Variants in INPP4B observed in about 807,000 individuals in gnomAD.
The protein encoded by INPP4B is inositol polyphosphate-4-phosphatase type II B.
INPP4B carries 55 observed loss-of-function variants against 122.5 expected under a neutral mutation model. The ratio of observed to expected loss-of-function variants is 0.45; its 90% CI spans 0.36 to 0.56. The LOEUF (loss-of-function observed/expected upper bound fraction) is 0.56. Ranked by LOEUF, INPP4B falls within the 20% of genes least tolerant of loss-of-function variation. INPP4B has a pLI of 0.00. For missense variants in INPP4B, 1,000 were observed against 1,097.7 expected (o/e 0.91, Z 1.26); for synonymous variants, 403 against 388.7 (o/e 1.04, Z -0.43).
chr4:142,259,954 A>G (rs1226009360), intron 11 of INPP4B, among the ~76,000 whole-genome samples: 1 of 152,152 alleles, frequency 6.6e-6, no homozygotes, highest in Non-Finnish European at 1.5e-5. Context: ...GGCATTGACC[A>G]AATGTCATTA....
chr4:142,632,615 A>G (rs924297713), intron 2 of INPP4B, among the ~76,000 whole-genome samples: 6 of 152,138 alleles, frequency 3.9e-5, no homozygotes, highest in Non-Finnish European at 8.8e-5. Context: ...TCAATGCTAT[A>G]AAATACAAAT....
intron 21 of INPP4B, among the ~76,000 whole-genome samples, chr4:142,121,473 C>G (rs1414781297): frequency 6.6e-6 from 1 of 152,008 alleles, no homozygotes; most frequent in Non-Finnish European, 1.5e-5. Flanking sequence ...CAATTAAAAG[C>G]ACTAACACCG....
chr4:142,072,056 C>T (rs9996965), intron 25 of INPP4B, among the ~76,000 whole-genome samples: 3,742 of 152,060 alleles, frequency 0.025, 174 homozygotes, highest in African/African-American at 0.086. Context: ...ATTGTGGCAC[C>T]ATTCACAATA....
chr4:142,607,454 T>C lies in INPP4B; in HGVS notation c.-191+118385A>G, dbSNP rs1741505774. Reference sequence around the variant, plus strand: ...TTATATGTATATGTAGCTTTACATGTTGCTTAAGTGCTCTAGTCCTGGCTG... The same window carrying C: ...TTATATGTATATGTAGCTTTACATGCTGCTTAAGTGCTCTAGTCCTGGCTG... On this transcript the variant is annotated intron_variant, in intron 2 of 25. Coordinates refer to ENST00000262992, the MANE Select transcript of INPP4B (RefSeq NM_001101669.3). Among the ~76,000 whole-genome samples, 3 of 152,106 alleles carry C rather than the reference T, an allele frequency of 2.0e-5. No homozygotes were observed. The South Asian group carries it at 6.2e-4, about 31-fold the overall frequency.
At chr4:142,543,893 C>T (rs1829228602) in intron 2 of INPP4B, among the ~76,000 whole-genome samples, 2 of 151,906 alleles carry the variant, frequency 1.3e-5, no homozygotes, top group Non-Finnish European at 2.9e-5. Context: ...AAAGTAAGTA[C>T]AGGAATGTCC....
chr4:142,565,926 A>C (rs1731518383), intron 2 of INPP4B: 1 of 152,222 alleles, frequency 6.6e-6, no homozygotes, highest in African/African-American at 2.4e-5. Flanking sequence ...AAGTGCATTG[A>C]CTGTCAGAGC....
chr4:142,262,874 A>G (rs549345757), intron 10 of INPP4B, among the ~76,000 whole-genome samples: 40 of 152,310 alleles, frequency 2.6e-4, no homozygotes, highest in Non-Finnish European at 4.9e-4. Flanking sequence ...CTGATAAACT[A>G]CAATGAAAAC....
At chr4:142,097,312 T>C (rs1470088636) in intron 23 of INPP4B, among the ~76,000 whole-genome samples, 3 of 151,700 alleles carry the variant, frequency 2.0e-5, no homozygotes, top group African/African-American at 7.3e-5. Context: ...TGGAGTGCAA[T>C]GGCGTGATCT....
intron 1 of INPP4B, among the ~76,000 whole-genome samples, chr4:142,833,649 C>T (rs1399353666): frequency 6.6e-6 from 1 of 150,894 alleles, no homozygotes; most frequent in African/African-American, 2.4e-5. Context: ...TTTTTAAAGA[C>T]AGGGTATTGC....
intron 25 of INPP4B, among the ~76,000 whole-genome samples, chr4:142,032,195 G>T (rs1033919290): frequency 7.2e-5 from 11 of 152,090 alleles, no homozygotes; most frequent in African/African-American, 2.7e-4. Context: ...GTTTAGGCTG[G>T]AGGACAAAGG....
chr4:142,630,544 T>C (rs1580557520), intron 2 of INPP4B, among the ~76,000 whole-genome samples: 2 of 152,100 alleles, frequency 1.3e-5, no homozygotes, highest in African/African-American at 4.8e-5. Context: ...TACAAATTAA[T>C]ACTGCTACTG....
intron 1 of INPP4B, among the ~76,000 whole-genome samples, chr4:142,816,329 A>T (rs1780111975): frequency 6.6e-6 from 1 of 152,220 alleles, no homozygotes; most frequent in Non-Finnish European, 1.5e-5. Context: ...CATCAATAAC[A>T]TTATGATGAT....
intron 1 of INPP4B, among the ~76,000 whole-genome samples, chr4:142,742,769 G>C (rs1345947727): frequency 6.6e-6 from 1 of 151,914 alleles, no homozygotes; most frequent in Non-Finnish European, 1.5e-5. Context: ...TAGTGAATAG[G>C]TAGGTAAACT....
At chr4:142,132,166 A>G (rs1412090156) in intron 18 of INPP4B, among the ~76,000 whole-genome samples, 1 of 152,192 alleles carries the variant, frequency 6.6e-6, no homozygotes, top group Non-Finnish European at 1.5e-5. Context: ...ACTGATTTTC[A>G]TGAAGTTATC....
chr4:142,575,480 T>C (rs76916418), intron 2 of INPP4B, among the ~76,000 whole-genome samples: 8,635 of 152,150 alleles, frequency 0.057, 291 homozygotes, highest in South Asian at 0.099. Flanking sequence ...ATCTGTCTCA[T>C]ATATTTCTGT....
intron 12 of INPP4B, among the ~76,000 whole-genome samples, chr4:142,210,218 T>C (rs1844325371): frequency 6.6e-6 from 1 of 152,230 alleles, no homozygotes; most frequent in South Asian, 2.1e-4. Flanking sequence ...ATCTTTAACA[T>C]TCTGTTAAAT....
chr4:142,071,060 G>A (rs964553822), intron 25 of INPP4B, among the ~76,000 whole-genome samples: 9 of 152,152 alleles, frequency 5.9e-5, no homozygotes, highest in Non-Finnish European at 1.2e-4. Context: ...TAAAGCTGGA[G>A]GCATCACGCT....
chr4:142,274,642 A>G (rs546563297), intron 9 of INPP4B, among the ~76,000 whole-genome samples: 17 of 152,016 alleles, frequency 1.1e-4, no homozygotes, highest in African/African-American at 3.1e-4. Flanking sequence ...CAATTATGAC[A>G]TTGGATCTTG....
chr4:142,840,371 A>G (rs1783332610), intron 1 of INPP4B, among the ~76,000 whole-genome samples: 1 of 152,192 alleles, frequency 6.6e-6, no homozygotes, highest in Non-Finnish European at 1.5e-5. Flanking sequence ...GGTTAATACA[A>G]TATCTATTTT....
Sources: allele counts gnomAD v4.1 joint callset (sites outside exome capture counted in the v4.1 genomes callset), GRCh38; gene constraint gnomAD v4.1.1; transcripts MANE v1.5; gene names NCBI Gene and HGNC (gene_info 2026-07-23, HGNC 2026-07-21).